The following SLC20A2 variants were observed in gnomAD, a reference collection of about 807,000 sequenced individuals.
The protein encoded by SLC20A2 is sodium-dependent phosphate transporter 2.
SLC20A2 carries 30 observed loss-of-function variants against 61.0 expected under a neutral mutation model. The ratio of observed to expected loss-of-function variants is 0.49; its 90% confidence interval spans 0.37 to 0.67. The LOEUF is 0.67. Ranked by LOEUF, SLC20A2 falls within the 30% of genes least tolerant of loss-of-function variation. The pLI, the probability that SLC20A2 is intolerant of heterozygous loss-of-function variation, is 0.00. For missense variants in SLC20A2, 626 were observed against 866.4 expected, an observed-to-expected ratio of 0.72 and a Z score of 3.48; for synonymous variants, 351 against 353.3, an observed-to-expected ratio of 0.99 and a Z score of 0.07.
Position 42,437,541 on chromosome 8 carries a change from G to A in SLC20A2, c.971C>T (p.Ser324Leu), listed in dbSNP as rs886041752. ...GCCGAAGGTGCCGTTGGAGATGGGCGATTTCACAGAGCCATGGGTCATGGA... is the reference window on the plus strand; with the variant it reads ...GCCGAAGGTGCCGTTGGAGATGGGCAATTTCACAGAGCCATGGGTCATGGA... ...ALSMTHGSVK[S>L]PISNGTFGFD... The change falls in exon 8 of 11, where the codon TCG becomes TTG. Residue 324 changes from serine (S) to leucine (L), a missense_variant. This residue lies in a region of SLC20A2 where 361 missense variants were observed against 422.3 expected (regional missense o/e 0.85). Transcript: ENST00000520262. The surrounding 1 kb of genome is among the most constrained non-coding windows in gnomAD (Gnocchi z 6.4). The A allele has an allele frequency of 5.0e-6, 8 of 1,613,898 alleles. No individual in the cohort carries two copies. Among genetic ancestry groups the A allele is most frequent in the Non-Finnish European group, 5.9e-6 (7 of 1,179,938 alleles).
intron 1 of SLC20A2, among the ~76,000 whole-genome samples, chr8:42,510,413 A>G (rs977144087): frequency 6.6e-6 from 1 of 152,236 alleles, no homozygotes; most frequent in Non-Finnish European, 1.5e-5. Flanking sequence ...TAAACTGCTA[A>G]TCATAAACAT....
intron 8 of SLC20A2, among the ~76,000 whole-genome samples, chr8:42,430,802 T>G (rs1217347093): frequency 6.6e-6 from 1 of 152,196 alleles, no homozygotes; most frequent in Non-Finnish European, 1.5e-5. Flanking sequence ...TTCCCGAATT[T>G]TTCATTATTA....
intron 10 of SLC20A2, among the ~76,000 whole-genome samples, chr8:42,422,339 C>CA (rs1232420356): frequency 4.6e-5 from 7 of 152,198 alleles, no homozygotes; most frequent in Non-Finnish European, 7.3e-5. Flanking sequence ...AGGCACGAGC[C>CA]ACCATGCCCA....
intron 1 of SLC20A2, among the ~76,000 whole-genome samples, chr8:42,514,652 G>A (rs1299064488): frequency 6.6e-6 from 1 of 151,950 alleles, no homozygotes; most frequent in East Asian, 1.9e-4. Context: ...CAGCTACTTG[G>A]GAGGCTGAGG....
chr8:42,443,559 A>C (rs373074783), intron 6 of SLC20A2, among the ~76,000 whole-genome samples: 4 of 151,588 alleles, frequency 2.6e-5, no homozygotes, highest in African/African-American at 9.7e-5. Flanking sequence ...CGAACTCCTG[A>C]CCTCAGGTGA....
intron 8 of SLC20A2, among the ~76,000 whole-genome samples, chr8:42,434,938 C>T (rs1205367936): frequency 2.0e-5 from 3 of 151,982 alleles, no homozygotes; most frequent in African/African-American, 7.3e-5. Flanking sequence ...GTGTGTGCAT[C>T]TGAGTGTGTG....
chr8:42,473,001 G>C (rs1184948393), intron 1 of SLC20A2, among the ~76,000 whole-genome samples: 1 of 152,212 alleles, frequency 6.6e-6, no homozygotes, highest in African/African-American at 2.4e-5. Flanking sequence ...TAAGAAATGA[G>C]AAATTTAGTT....
rs1352586422 is a variant in SLC20A2, at chr8:42,521,336, G to A, written c.-265+20485C>T. Among the ~76,000 whole-genome samples the A allele has an allele frequency of 2.5e-5, 3 of 121,258 alleles. 1 individual carries two copies. Among genetic ancestry groups the A allele is most frequent in the African/African-American group, 7.6e-5 (3 of 39,432 alleles). 79.5% of individuals were successfully genotyped at this position (121,258 alleles called of 152,430 possible). On this transcript the variant is annotated intron_variant, in intron 1 of 10. Coordinates refer to the SLC20A2 transcript ENST00000342228. ...ACTCAATGGATCTCAAGGGCATTAT[G>A]CTGAGTGAAAAAAGCCAATCTCAAA...
chr8:42,421,732 A>G (rs1803054267), intron 10 of SLC20A2, among the ~76,000 whole-genome samples: 1 of 151,958 alleles, frequency 6.6e-6, no homozygotes. Context: ...TGAACCCGGG[A>G]GGTGGAGGTT....
chr8:42,527,777 T>A (rs12676817), intron 1 of SLC20A2, among the ~76,000 whole-genome samples: 45,382 of 151,134 alleles, frequency 0.3, 8,210 homozygotes, highest in Non-Finnish European at 0.4. Flanking sequence ...TCAAAAAAAA[T>A]AAATAAATAA....
At chr8:42,459,137 G>A (rs1586098400) in intron 5 of SLC20A2, among the ~76,000 whole-genome samples, 5 of 149,084 alleles carry the variant, frequency 3.4e-5, no homozygotes, top group African/African-American at 7.4e-5. Context: ...TAAGGAGGCT[G>A]AGGCAGGAGA....
chr8:42,448,279 A>G (rs558767442), intron 5 of SLC20A2, among the ~76,000 whole-genome samples: 1 of 152,354 alleles, frequency 6.6e-6, no homozygotes, highest in African/African-American at 2.4e-5. Flanking sequence ...GATCTAAGAG[A>G]GGCAAACCCT....
At chr8:42,533,539 C>T (rs1804423747) in intron 1 of SLC20A2, among the ~76,000 whole-genome samples, 1 of 151,934 alleles carries the variant, frequency 6.6e-6, no homozygotes, top group Admixed American at 6.6e-5. Flanking sequence ...CTGCTTGAGC[C>T]CAGGAGGTGG....
intron 8 of SLC20A2, among the ~76,000 whole-genome samples, chr8:42,434,826 G>A (rs1428973480): frequency 1.3e-5 from 2 of 152,160 alleles, no homozygotes; most frequent in Non-Finnish European, 2.9e-5. Flanking sequence ...AGCAGCCACT[G>A]CCTAGATGCT....
intron 8 of SLC20A2, among the ~76,000 whole-genome samples, chr8:42,430,582 C>T (rs1357977526): frequency 6.6e-6 from 1 of 152,086 alleles, no homozygotes; most frequent in Non-Finnish European, 1.5e-5. Context: ...AGGCTGGTCT[C>T]GAACCCCTGA....
chr8:42,465,120 C>T (rs1201831575), intron 3 of SLC20A2, among the ~76,000 whole-genome samples: 3 of 151,854 alleles, frequency 2.0e-5, no homozygotes, highest in African/African-American at 7.2e-5. Flanking sequence ...TGCAGTGACT[C>T]GATCCCGGCT....
intron 10 of SLC20A2, among the ~76,000 whole-genome samples, chr8:42,426,974 C>T (rs192906443): frequency 1.3e-5 from 2 of 152,178 alleles, no homozygotes; most frequent in African/African-American, 2.4e-5. Flanking sequence ...ACTTTTCATT[C>T]CTTATAGTCT....
chr8:42,453,471 A>T (rs1805901946), intron 5 of SLC20A2, among the ~76,000 whole-genome samples: 1 of 152,190 alleles, frequency 6.6e-6, no homozygotes, highest in Admixed American at 6.5e-5. Context: ...AATAATTAAG[A>T]GTAGAGAAGC....
chr8:42,531,816 CTT>C (rs746692830), intron 1 of SLC20A2, among the ~76,000 whole-genome samples: 4 of 139,250 alleles, frequency 2.9e-5, no homozygotes, highest in African/African-American at 5.3e-5. Context: ...TAAGTCTCTG[CTT>C]TTTTTTTTTT....
Sources: allele counts gnomAD v4.1 joint callset (sites outside exome capture counted in the v4.1 genomes callset), GRCh38; gene constraint gnomAD v4.1.1; regional missense constraint gnomAD v4.1.1; non-coding constraint Gnocchi (gnomAD v3.1); transcripts MANE v1.5; gene names NCBI Gene and HGNC (gene_info 2026-07-23, HGNC 2026-07-21).